The following BIK variants were observed in gnomAD, a reference collection of about 807,000 sequenced individuals.
The protein encoded by BIK is bcl-2-interacting killer.
Under a neutral mutation model 12.1 loss-of-function variants are expected in BIK, and 14 were observed. The observed-to-expected ratio is 1.16, with a 90% CI of 0.77 to 1.81. The LOEUF (loss-of-function observed/expected upper bound fraction) is 1.81, where lower values mean the gene tolerates loss of function less well. Ranked by LOEUF, BIK falls within the 40% of genes most tolerant of loss-of-function variation. The pLI is 0.00. For missense variants in BIK, 215 were observed against 207.9 expected (o/e 1.03, Z -0.21); for synonymous variants, 86 against 92.3 (o/e 0.93, Z 0.39).
At chr22:43,111,418 C>A (rs1930008975) in intron 1 of BIK, among the ~76,000 whole-genome samples, 1 of 152,206 alleles carries the variant, frequency 6.6e-6, no homozygotes. Flanking sequence ...GCGCCCTGCA[C>A]AGGTGCGCCC....
rs186434204 is a variant in BIK at position 43,124,698 on chromosome 22, C to T, written c.161+515C>T. ...CTTGAGGTCAGGAGCTCGAGACCAGCCTGGCCAACATGGCAAAACCCTGTC... is the reference window on the plus strand; with the variant it reads ...CTTGAGGTCAGGAGCTCGAGACCAGTCTGGCCAACATGGCAAAACCCTGTC... On this transcript the variant is annotated intron_variant, in intron 2 of 4. Transcript: ENST00000216115. Among the ~76,000 whole-genome samples the T allele has an allele frequency of 3.4e-3, 513 of 152,250 alleles. 3 individuals are homozygous for T. Among genetic ancestry groups the T allele is most frequent in the Non-Finnish European group, 6.1e-3 (416 of 68,012 alleles).
intron 1 of BIK, among the ~76,000 whole-genome samples, chr22:43,118,751 G>C (rs1930165416): frequency 6.6e-6 from 1 of 152,136 alleles, no homozygotes; most frequent in Non-Finnish European, 1.5e-5. Flanking sequence ...CGCCTGCTTG[G>C]CTTTGACAGG....
chr22:43,128,395 G>C, intron 3 of BIK, 101 bp from the exon 4 acceptor site: 1 of 1,454,692 alleles, frequency 6.9e-7, no homozygotes, highest in Non-Finnish European at 9.5e-7. Flanking sequence ...GGAGGGCACA[G>C]GCCCCTGCTC....
intron 1 of BIK, among the ~76,000 whole-genome samples, chr22:43,120,633 C>T (rs563664956): frequency 1.9e-4 from 29 of 152,298 alleles, no homozygotes; most frequent in Admixed American, 1.9e-3. Flanking sequence ...AGGACTGGGC[C>T]TCCCTTGGGC....
chr22:43,124,926 G>A (rs370679241), intron 2 of BIK, among the ~76,000 whole-genome samples: 28 of 152,220 alleles, frequency 1.8e-4, no homozygotes, highest in African/African-American at 6.7e-4. Context: ...GCAGAGCAGC[G>A]GCATGGGCTG....
At chr22:43,126,941 G>GT (rs760688828) in intron 2 of BIK, among the ~76,000 whole-genome samples, 1 of 152,138 alleles carries the variant, frequency 6.6e-6, no homozygotes, top group Non-Finnish European at 1.5e-5. Context: ...GGTCAGGTGG[G>GT]TGGGGCCAGG....
In BIK at chr22:43,129,269, G is replaced by A. The variant is rs754045953; in HGVS notation, c.447G>A (p.Pro149=). Residue 149 remains proline (P), a synonymous_variant, in exon 5 of 5, where the codon CCG becomes CCA. Transcript: ENST00000216115. The stretch of plus-strand genomic sequence containing the variant: ...TGCTGCTGCTGGCGCTGCTGCTGCC[G>A]CTGCTCAGCGGGGGCCTGCACCTGC... ...ALLLLLALLL[P]LLSGGLHLLL... 40 of 1,601,932 alleles carry A rather than the reference G, an allele frequency of 2.5e-5. No individual in the cohort carries two copies. Among genetic ancestry groups the A allele is most frequent in the Middle Eastern group, 1.7e-4 (1 of 6,018 alleles).
chr22:43,114,635 C>A (rs551569331), intron 1 of BIK, among the ~76,000 whole-genome samples: 1 of 152,110 alleles, frequency 6.6e-6, no homozygotes, highest in Non-Finnish European at 1.5e-5. Flanking sequence ...ACAGTATCTT[C>A]GAGATTAGAG....
chr22:43,127,700 C>A lies in BIK; in HGVS notation c.165C>A (p.Asp55Glu), dbSNP rs767540756. 1.3e-6 allele frequency: 2 copies of A among 1,553,464 alleles called. No homozygotes were observed. Among genetic ancestry groups the A allele is most frequent in the South Asian group, 2.4e-5 (2 of 84,198 alleles). ...CTCCTGTGTGTGCTCCCTGCAGTGA[C>A]GCATTGGCCCTGCGGCTGGCCTGCA... Reference protein sequence around the residue: ...FDSLECMEGSDALALRLACIG... With the variant: ...FDSLECMEGSEALALRLACIG... Residue 55 changes from aspartate (D) to glutamate (E), a missense_variant, in exon 3 of 5, where the codon GAC (aspartate) becomes GAA (glutamate). By Grantham distance (45) the Asp-to-Glu change is conservative. Coordinates refer to ENST00000216115, the MANE Select transcript of BIK (RefSeq NM_001197.5).
chr22:43,117,724 G>A (rs1930144653), intron 1 of BIK, among the ~76,000 whole-genome samples: 1 of 148,750 alleles, frequency 6.7e-6, no homozygotes, highest in African/African-American at 2.5e-5. Context: ...AGGTTGGAGT[G>A]TAATGGTGTG....
chr22:43,120,779 G>A (rs978506982), intron 1 of BIK, among the ~76,000 whole-genome samples: 1 of 152,254 alleles, frequency 6.6e-6, no homozygotes, highest in African/African-American at 2.4e-5. Flanking sequence ...CCTAGGCCCA[G>A]TTGGTGATGG....
chr22:43,118,531 G>C (rs954752715), intron 1 of BIK, among the ~76,000 whole-genome samples: 2 of 152,186 alleles, frequency 1.3e-5, no homozygotes, highest in Admixed American at 1.3e-4. Flanking sequence ...GGCGTTTCCT[G>C]CTGGGTTACA....
At chr22:43,118,067 C>T (rs985003579) in intron 1 of BIK, among the ~76,000 whole-genome samples, 13 of 152,078 alleles carry the variant, frequency 8.5e-5, no homozygotes, top group Non-Finnish European at 1.8e-4. Flanking sequence ...TGGGCTCGTG[C>T]GACGTGCCCG....
chr22:43,128,740 G>C, intron 4 of BIK, 115 bp downstream of exon 4: 3 of 1,416,450 alleles, frequency 2.1e-6, no homozygotes, highest in Non-Finnish European at 2.9e-6. Flanking sequence ...TGTGTCACCT[G>C]TGTCCACATC....
intron 1 of BIK, among the ~76,000 whole-genome samples, chr22:43,113,194 ACTCT>A (rs772927775): frequency 6.6e-6 from 1 of 151,874 alleles, no homozygotes; most frequent in Non-Finnish European, 1.5e-5. Flanking sequence ...ACATAGGGAG[ACTCT>A]CTGTCAAAAG....
At chr22:43,120,031 G>C (rs534733533) in intron 1 of BIK, among the ~76,000 whole-genome samples, 2 of 147,688 alleles carry the variant, frequency 1.4e-5, no homozygotes, top group Non-Finnish European at 3.0e-5. Context: ...GCATGGGCCG[G>C]TCTGAGGTTG....
intron 1 of BIK, among the ~76,000 whole-genome samples, chr22:43,121,997 C>G (rs1023863688): frequency 2.0e-5 from 3 of 152,246 alleles, no homozygotes; most frequent in African/African-American, 7.2e-5. Flanking sequence ...TCCCAAAGTG[C>G]TGGGATTACA....
At chr22:43,118,837 T>C (rs559362970) in intron 1 of BIK, among the ~76,000 whole-genome samples, 3 of 152,162 alleles carry the variant, frequency 2.0e-5, no homozygotes, top group African/African-American at 7.2e-5. Context: ...CCCATCCACC[T>C]CTGCCCCCAA....
Position 43,117,688 on chromosome 22 carries a change from G to C in BIK, c.-7-6328G>C, listed in dbSNP as rs570926103. On this transcript the variant is annotated intron_variant, in intron 1 of 4. Transcript: ENST00000216115. ...CCCGGCCCATATTTTTTTTTTTTGAGATGGAGTTTTTCGCTCTTGTCGCCC... is the reference window on the plus strand; with the variant it reads ...CCCGGCCCATATTTTTTTTTTTTGACATGGAGTTTTTCGCTCTTGTCGCCC... Among the ~76,000 whole-genome samples the C allele has an allele frequency of 3.4e-4, 44 of 129,018 alleles. No individual in the cohort carries two copies. The South Asian group carries it at 0.011, about 31-fold the overall frequency. 84.6% of individuals were successfully genotyped at this position (129,018 alleles called of 152,430 possible).
Sources: allele counts gnomAD v4.1 joint callset (sites outside exome capture counted in the v4.1 genomes callset), GRCh38; gene constraint gnomAD v4.1.1; transcripts MANE v1.5; gene names NCBI Gene and HGNC (gene_info 2026-07-23, HGNC 2026-07-21).